SLX9: variants seen among roughly 807,000 people sequenced by gnomAD.
The protein encoded by SLX9 is ribosome biogenesis protein SLX9 homolog.
In SLX9, 19 loss-of-function variants were observed where a neutral mutation model predicts 20.8. That is an observed-to-expected ratio of 0.91 (90% CI 0.64 to 1.34). The LOEUF is 1.34. Ranked by LOEUF, SLX9 falls within the 40% of genes most tolerant of loss-of-function variation. The pLI is 0.00. For synonymous variants in SLX9, 113 were observed against 137.1 expected, an observed-to-expected ratio of 0.82 and a Z score of 1.23; for missense variants, 299 against 322.2, an observed-to-expected ratio of 0.93 and a Z score of 0.55.
intron 4 of SLX9, among the ~76,000 whole-genome samples, chr21:44,968,790 GTCCCCCAGGCTGGAGTGCAGTGGCA>G (rs2085087660): frequency 7.9e-6 from 1 of 126,272 alleles, no homozygotes; most frequent in Non-Finnish European, 1.6e-5. Context: ...GCCTTGCTCT[GTCCCCCAGGCTGGAGTGCAGTGGCA>G]CGATCTTGGC....
chr21:44,955,360 A>G (rs1490136788), intron 2 of SLX9, among the ~76,000 whole-genome samples: 1 of 152,228 alleles, frequency 6.6e-6, no homozygotes, highest in African/African-American at 2.4e-5. Flanking sequence ...CTCGCCCACC[A>G]GCGCTCCGAG....
intron 2 of SLX9, among the ~76,000 whole-genome samples, chr21:44,957,067 T>C (rs113314981): frequency 2.6e-5 from 4 of 152,346 alleles, no homozygotes; most frequent in African/African-American, 9.6e-5. Context: ...TGTCAGGGTT[T>C]TTAGGCAGCC....
intron 4 of SLX9, among the ~76,000 whole-genome samples, chr21:44,970,922 G>A (rs967671137): frequency 1.3e-5 from 2 of 152,092 alleles, no homozygotes; most frequent in South Asian, 2.1e-4. Context: ...CTGTCCTGGC[G>A]CCCTGCCCTG....
chr21:44,959,191 G>C, intron 2 of SLX9: 6 of 985,370 alleles, frequency 6.1e-6, no homozygotes, highest in Non-Finnish European at 7.2e-6. Context: ...CTTTCTCCAG[G>C]CAGGGCTTGC....
rs963480557 is a variant in SLX9, at chr21:44,940,298, C to G, written c.129+112C>G. 7.7e-5 allele frequency: 91 copies of G among 1,176,228 alleles called. No homozygotes were observed. In the Middle Eastern group the frequency reaches 1.4e-3, roughly 18 times the overall value. The allele number at this position is 1,176,228 out of a possible 1,614,324, so 72.9% of individuals were successfully genotyped here. On this transcript the variant is annotated intron_variant, in intron 1 of 5. Transcript: ENST00000291634. ...GACCCCGGCCTTCCCTCGGGCTCTG[C>G]GGGCATTTGCTGCGCTACAGACGCG... is the stretch of plus-strand genomic sequence containing the variant.
At chr21:44,960,000 CTG>C (rs1242587117) in intron 2 of SLX9, 98 bp from the exon 3 acceptor site, 4 of 1,014,536 alleles carry the variant, frequency 3.9e-6, no homozygotes, top group Admixed American at 1.8e-5. Flanking sequence ...GTTGCAGTGA[CTG>C]TGGCAGCTCT....
At chr21:44,968,827 C>T (rs1265988408) in intron 4 of SLX9, among the ~76,000 whole-genome samples, 8 of 150,118 alleles carry the variant, frequency 5.3e-5, no homozygotes, top group Non-Finnish European at 1.2e-4. Flanking sequence ...GATCTTGGCT[C>T]ACTGCAAGCT....
intron 4 of SLX9, among the ~76,000 whole-genome samples, chr21:44,968,943 CG>C (rs1348802585): frequency 1.3e-5 from 2 of 152,122 alleles, no homozygotes; most frequent in Non-Finnish European, 2.9e-5. Flanking sequence ...TTAGCGGAGA[CG>C]GGGTTTCACC....
At chr21:44,951,854 C>T (rs924991872) in intron 2 of SLX9, among the ~76,000 whole-genome samples, 26 of 152,084 alleles carry the variant, frequency 1.7e-4, no homozygotes, top group African/African-American at 6.3e-4. Flanking sequence ...GCTCTTTGTC[C>T]GAGCAGGGTT....
chr21:44,948,760 C>T (rs918800802), intron 2 of SLX9, among the ~76,000 whole-genome samples: 1 of 152,224 alleles, frequency 6.6e-6, no homozygotes, highest in African/African-American at 2.4e-5. Flanking sequence ...CCGGTGGCAC[C>T]TTTGCTTGAG....
chr21:44,965,390 C>T (rs1191595541), intron 3 of SLX9, among the ~76,000 whole-genome samples: 1 of 152,114 alleles, frequency 6.6e-6, no homozygotes, highest in Admixed American at 6.5e-5. Context: ...ATTGAGTGGG[C>T]CGGGTGGGAT....
intron 2 of SLX9, among the ~76,000 whole-genome samples, chr21:44,952,723 C>G (rs1157555932): frequency 6.6e-6 from 1 of 152,200 alleles, no homozygotes; most frequent in Non-Finnish European, 1.5e-5. Context: ...GTCATGTGCT[C>G]CGGGCGCCCC....
chr21:44,971,798 G>T (rs1386503079), intron 4 of SLX9, among the ~76,000 whole-genome samples: 1 of 152,182 alleles, frequency 6.6e-6, no homozygotes. Context: ...CAGGGAGGGG[G>T]TCGGCTGGCC....
At chr21:44,945,694 TTTTG>T (rs991902290) in intron 2 of SLX9, among the ~76,000 whole-genome samples, 12 of 151,934 alleles carry the variant, frequency 7.9e-5, no homozygotes, top group African/African-American at 1.2e-4. Flanking sequence ...GGATCTTTGT[TTTTG>T]TTTGTTTGTT....
chr21:44,972,292 G>A (rs978118259), intron 4 of SLX9, among the ~76,000 whole-genome samples: 4 of 152,182 alleles, frequency 2.6e-5, no homozygotes, highest in African/African-American at 9.7e-5. Context: ...GGCCAGGTGG[G>A]CGGCTGCCTT....
At chr21:44,958,959 A>G (rs750165460) in intron 2 of SLX9, among the ~76,000 whole-genome samples, 1 of 152,144 alleles carries the variant, frequency 6.6e-6, no homozygotes, top group Non-Finnish European at 1.5e-5. Flanking sequence ...TCTTAGATTC[A>G]TTTTTCTTTT....
intron 2 of SLX9, among the ~76,000 whole-genome samples, chr21:44,953,803 G>A (rs1228311095): frequency 6.6e-6 from 1 of 152,182 alleles, no homozygotes; most frequent in South Asian, 2.1e-4. Context: ...GGAGCTCTTG[G>A]CCATGACTGC....
At chr21:44,967,551 G>A (rs1429793936) in intron 4 of SLX9, among the ~76,000 whole-genome samples, 2 of 152,294 alleles carry the variant, frequency 1.3e-5, no homozygotes, top group South Asian at 2.1e-4. Context: ...AGACCCTGCT[G>A]TGCTCAGCTG....
chr21:44,970,154 G>A (rs9982197), intron 4 of SLX9, among the ~76,000 whole-genome samples: 1,827 of 152,316 alleles, frequency 0.012, 38 homozygotes, highest in African/African-American at 0.041. Context: ...CCCTGGCCTC[G>A]GGGTGGGGGT....
Sources: gnomAD v4.1 joint callset for allele counts (sites outside exome capture counted in the v4.1 genomes callset) on GRCh38, gnomAD v4.1.1 for gene constraint, MANE v1.5 for transcripts, NCBI Gene and HGNC (gene_info 2026-07-23, HGNC 2026-07-21) for gene names.